CYP4F12: variants seen among roughly 807,000 people sequenced by gnomAD.
CYP4F12 encodes cytochrome P450 family 4 subfamily F member 12, also known as cytochrome P450 4F12.
In CYP4F12, 60 loss-of-function variants were observed where a neutral mutation model predicts 56.5. The observed-to-expected ratio is 1.06, with a 90% CI of 0.86 to 1.32. The LOEUF is 1.32. Ranked by LOEUF, CYP4F12 falls within the 40% of genes most tolerant of loss-of-function variation. The pLI, the probability that CYP4F12 is intolerant of heterozygous loss-of-function variation, is 0.00. For missense variants in CYP4F12, 711 were observed against 683.5 expected (o/e 1.04, Z -0.45); for synonymous variants, 263 against 264.9 (o/e 0.99, Z 0.07).
chr19:15,692,709 C>T (rs112721421), intron 9 of CYP4F12, among the ~76,000 whole-genome samples: 254 of 152,142 alleles, frequency 1.7e-3, no homozygotes, highest in African/African-American at 5.8e-3. Context: ...TTTCATAGCG[C>T]CAGAGTAGGG....
At chr19:15,680,686 A>G in intron 5 of CYP4F12, 167 bp downstream of exon 5, 1 of 902,218 alleles carries the variant, frequency 1.1e-6, no homozygotes, top group Non-Finnish European at 1.8e-6. Context: ...CCTACTTGAA[A>G]GGTCATTTAC....
chr19:15,677,097 T>A (rs1416445639), intron 2 of CYP4F12, among the ~76,000 whole-genome samples: 5 of 132,854 alleles, frequency 3.8e-5, no homozygotes, highest in Non-Finnish European at 4.9e-5. Flanking sequence ...CTCTCCTCAC[T>A]CACTCATTCC....
intron 2 of CYP4F12, among the ~76,000 whole-genome samples, chr19:15,676,005 C>T (rs953012353): frequency 1.2e-4 from 19 of 152,172 alleles, no homozygotes; most frequent in Admixed American, 2.0e-4. Flanking sequence ...AAACCAGGGA[C>T]ACTGGTGGTG....
rs560430910 is a variant in CYP4F12 at position 15,678,178 on chromosome 19, C to T, written c.199-83C>T. Reference sequence around the variant, plus strand: ...ACACACAGCAATAATGTTTGACTGGCTATCTGGGCATCCCTTAGCCCAGTC... The same window carrying T: ...ACACACAGCAATAATGTTTGACTGGTTATCTGGGCATCCCTTAGCCCAGTC... On this transcript the variant is annotated intron_variant, in intron 2 of 12. Coordinates refer to ENST00000550308, the MANE Select transcript of CYP4F12 (RefSeq NM_023944.4). 537 of 1,537,560 alleles carry T rather than the reference C, an allele frequency of 3.5e-4. 2 individuals carry two copies. In the African/African-American group the frequency reaches 6.2e-3, roughly 18 times the overall value.
In CYP4F12 at chr19:15,678,367, G is replaced by A. The variant is rs1177444999; in HGVS notation, c.305G>A (p.Cys102Tyr). 2 of 1,613,970 alleles carry A rather than the reference G, an allele frequency of 1.2e-6. No individual in the cohort carries two copies. Among genetic ancestry groups the A allele is most frequent in the Admixed American group, 3.3e-5 (2 of 59,982 alleles). The change falls in exon 3 of 13, where the codon TGC (cysteine) becomes TAC (tyrosine). Residue 102 changes from cysteine (C) to tyrosine (Y), a missense_variant. By Grantham distance (194) the Cys-to-Tyr change is radical. Coordinates refer to ENST00000550308, the MANE Select transcript of CYP4F12 (RefSeq NM_023944.4). ...LGPIIPFIVL[C>Y]HPDTIRSITN... The stretch of plus-strand genomic sequence containing the variant: ...CCCATCATCCCCTTCATCGTTTTAT[G>A]CCACCCTGACACCATCCGGTCTATC...
chr19:15,684,868 C>G lies in CYP4F12; in HGVS notation c.971C>G (p.Thr324Ser), dbSNP rs559542588. Residue 324 changes from threonine to serine, a missense_variant, in exon 8 of 13, where the codon ACC (threonine) becomes AGC (serine). By Grantham distance (58) the Thr-to-Ser change is moderately conservative. Coordinates refer to ENST00000550308, the MANE Select transcript of CYP4F12 (RefSeq NM_023944.4). Reference protein sequence around the residue: ...SDEDIRAEADTFMFGGHDTTA... With the variant: ...SDEDIRAEADSFMFGGHDTTA... ...GAGGATATAAGAGCAGAGGCTGACA[C>G]CTTCATGTTTGGAGGTGAGGGTCCC... 5.6e-6 allele frequency: 9 copies of G among 1,606,980 alleles called. No individual in the cohort carries two copies. The highest frequency in any genetic ancestry group is 1.7e-5 in the Admixed American group (1 of 59,584).
Position 15,680,513 on chromosome 19 carries a change from C to A in CYP4F12, c.519C>A (p.Ile173=). 1 of 1,614,170 alleles carries A rather than the reference C, an allele frequency of 6.2e-7. No homozygotes were observed. Among genetic ancestry groups the A allele is most frequent in the Non-Finnish European group, 8.5e-7 (1 of 1,180,042 alleles). Residue 173 remains isoleucine, a synonymous_variant, in exon 5 of 13, where the codon ATC becomes ATA. Coordinates refer to ENST00000550308, the MANE Select transcript of CYP4F12 (RefSeq NM_023944.4). The stretch of plus-strand genomic sequence containing the variant: ...CGATCTTCAACAAGAGTGCAAACAT[C>A]ATGCTTGTGAGTCCCTTGAAGTCTG... The part of the protein sequence containing the change: ...YITIFNKSAN[I]MLDKWQHLAS...
intron 9 of CYP4F12, among the ~76,000 whole-genome samples, chr19:15,691,301 G>A (rs147657970): frequency 2.7e-4 from 41 of 152,146 alleles, no homozygotes; most frequent in African/African-American, 9.4e-4. Flanking sequence ...TTGTGCAATC[G>A]GCATGTGTGT....
At chr19:15,676,356 C>CTCACTCATTCCTCTCCTCAT (rs1568413174) in intron 2 of CYP4F12, among the ~76,000 whole-genome samples, 1 of 141,206 alleles carries the variant, frequency 7.1e-6, no homozygotes, top group South Asian at 2.4e-4. Flanking sequence ...CTAATACCAA[C>CTCACTCATTCCTCTCCTCAT]TCACTCATTC....
Position 15,684,733 on chromosome 19 carries a change from C to T in CYP4F12, c.919-83C>T, listed in dbSNP as rs694324. The T allele has an allele frequency of 5.1e-3, 6,882 of 1,360,802 alleles. 72 individuals are homozygous for T. The African/African-American group carries it at 0.088, about 17-fold the overall frequency. 84.3% of individuals were successfully genotyped at this position (1,360,802 alleles called of 1,614,324 possible). A position where few individuals can be genotyped will look rare whatever the true frequency, so the allele number is the denominator to read the frequency against. On this transcript the variant is annotated intron_variant, in intron 7 of 12. Transcript: ENST00000550308. ...TCAGAGATTATCTCAGGTTAGACTC[C>T]GGAGTCTCAGAGATAGTATAATTTG...
chr19:15,675,109 C>A (rs1188848845), intron 2 of CYP4F12, among the ~76,000 whole-genome samples: 2 of 152,178 alleles, frequency 1.3e-5, no homozygotes, highest in Admixed American at 6.5e-5. Flanking sequence ...ACAATGTGCT[C>A]TTCCCCAGTA....
At chr19:15,686,964 T>C (rs1056756932) in intron 9 of CYP4F12, among the ~76,000 whole-genome samples, 1 of 138,958 alleles carries the variant, frequency 7.2e-6, no homozygotes, top group Non-Finnish European at 1.6e-5. Flanking sequence ...ACTGTGCACT[T>C]TGTAAACAAA....
At position 15,697,061 on chromosome 19, in the gene CYP4F12, G is replaced by GC. The variant is rs773147413; in HGVS notation, c.1555dup (p.Leu519ProfsTer10). The GC allele has an allele frequency of 6.2e-7, 1 of 1,613,896 alleles. No homozygotes were observed. The highest frequency in any genetic ancestry group is 1.7e-5 in the Admixed American group (1 of 60,006). On this transcript the variant is annotated frameshift_variant, in exon 13 of 13. Coordinates refer to ENST00000550308, the MANE Select transcript of CYP4F12 (RefSeq NM_023944.4). LOFTEE classifies it low-confidence loss of function (END_TRUNC). Reference sequence around the variant, plus strand: ...AGGGCGGGCTTTGGCTGCGGGTGGAGCCCCTGAATGTAAGCTTGCAGTGAC... The same window carrying GC: ...AGGGCGGGCTTTGGCTGCGGGTGGAGCCCCCTGAATGTAAGCTTGCAGTGAC...
intron 1 of CYP4F12, 113 bp from the exon 2 acceptor site, chr19:15,673,416 C>T (rs1416108237): frequency 2.9e-5 from 36 of 1,229,250 alleles, no homozygotes; most frequent in Non-Finnish European, 3.6e-5. Context: ...TTTACTCACC[C>T]CTGAGCCCTC....
At chr19:15,691,876 C>G (rs626223) in intron 9 of CYP4F12, among the ~76,000 whole-genome samples, 1 of 151,946 alleles carries the variant, frequency 6.6e-6, no homozygotes, top group Non-Finnish European at 1.5e-5. Context: ...TATTCACATG[C>G]CCGTCTCTGA....
chr19:15,679,615 G>A (rs1384833442), intron 3 of CYP4F12, among the ~76,000 whole-genome samples: 3 of 152,180 alleles, frequency 2.0e-5, no homozygotes, highest in Admixed American at 6.5e-5. Context: ...GTTCTTCTCT[G>A]ACATGTGATT....
chr19:15,680,152 A>C (rs2007201316), intron 3 of CYP4F12, 92 bp from the exon 4 acceptor site: 2 of 1,487,160 alleles, frequency 1.3e-6, no homozygotes, highest in African/African-American at 2.8e-5. Context: ...CTGGGCATGG[A>C]GTGGGGAAAG....
At position 15,683,699 on chromosome 19, in the gene CYP4F12, A is replaced by AT. The variant is rs753941970; in HGVS notation, c.860dup (p.Lys288GlnfsTer13). Reference sequence around the variant, plus strand: ...ACCCTCCCCACTCAGGGTATTGATGATTTTTTCAAAGACAAAGCCAAGTCC... The same window carrying AT: ...ACCCTCCCCACTCAGGGTATTGATGATTTTTTTCAAAGACAAAGCCAAGTCC... On this transcript the variant is annotated frameshift_variant, in exon 7 of 13. Coordinates refer to ENST00000550308, the MANE Select transcript of CYP4F12 (RefSeq NM_023944.4). LOFTEE classifies it high-confidence loss of function. 131 of 1,605,832 alleles carry AT rather than the reference A, an allele frequency of 8.2e-5. No homozygotes were observed. Among genetic ancestry groups the AT allele is most frequent in the Non-Finnish European group, 1.1e-4 (128 of 1,176,720 alleles).
intron 9 of CYP4F12, among the ~76,000 whole-genome samples, chr19:15,689,771 A>T (rs868476541): frequency 2.0e-5 from 3 of 152,244 alleles, no homozygotes; most frequent in Non-Finnish European, 4.4e-5. Flanking sequence ...CTACTCAGTC[A>T]TAAAAAGGAA....
Sources: gnomAD v4.1 joint callset for allele counts (sites outside exome capture counted in the v4.1 genomes callset) on GRCh38, gnomAD v4.1.1 for gene constraint, MANE v1.5 for transcripts, NCBI Gene and HGNC (gene_info 2026-07-23, HGNC 2026-07-21) for gene names.